The following TANC2 variants were observed in gnomAD, a reference collection of about 807,000 sequenced individuals.
TANC2 encodes protein TANC2.
Under a neutral mutation model 210.5 loss-of-function variants are expected in TANC2, and 26 were observed. The ratio of observed to expected loss-of-function variants is 0.12; its 90% confidence interval spans 0.09 to 0.17. The LOEUF is 0.17. Ranked by LOEUF, TANC2 falls within the 10% of genes least tolerant of loss-of-function variation. The probability of loss-of-function intolerance (pLI) is 1.00; values close to 1 mark genes in which losing one functional copy is unlikely to be tolerated. For synonymous variants in TANC2, 931 were observed against 967.1 expected, an observed-to-expected ratio of 0.96 and a Z score of 0.69; for missense variants, 2,129 against 2,608.9, an observed-to-expected ratio of 0.82 and a Z score of 4.01.
Position 63,412,716 on chromosome 17 carries a change from T to C in TANC2, c.3928+7T>C. 6.5e-7 allele frequency: 1 copy of C among 1,536,220 alleles called. No homozygotes were observed. The highest frequency in any genetic ancestry group is 8.7e-7 in the Non-Finnish European group (1 of 1,146,922). On this transcript the variant is annotated splice_region_variant and intron_variant, in intron 24 of 27. Coordinates refer to ENST00000689528, the Ensembl canonical transcript of TANC2. The surrounding 1 kb of genome is among the most constrained non-coding windows in gnomAD (Gnocchi z 4.2). ...TTACCGAGTCGCCCACGAGGTATAT[T>C]TCACCGCTGTCAGCATCAGGCGTGG...
rs116610711 is a variant in TANC2 at position 63,206,237 on chromosome 17, T to C, written c.769+5280T>C. Among the ~76,000 whole-genome samples the C allele has an allele frequency of 2.5e-3, 378 of 152,306 alleles. 2 individuals carry two copies. Among genetic ancestry groups the C allele is most frequent in the African/African-American group, 8.6e-3 (358 of 41,562 alleles). ...CAAGGACGTGGAGAAATTGGAACTCTCATACATTGCTGCTGGGAATGTAAA... is the reference window on the plus strand; with the variant it reads ...CAAGGACGTGGAGAAATTGGAACTCCCATACATTGCTGCTGGGAATGTAAA... On this transcript the variant is annotated intron_variant, in intron 7 of 27. Transcript: ENST00000689528.
Position 63,137,730 on chromosome 17 carries a change from C to T in TANC2, c.323-13540C>T, listed in dbSNP as rs138450379. Among the ~76,000 whole-genome samples the T allele has an allele frequency of 3.7e-3, 570 of 152,082 alleles. 6 individuals carry two copies. Among genetic ancestry groups the T allele is most frequent in the African/African-American group, 0.012 (480 of 41,480 alleles). ...TAATGATTAACCAGCTATCATATGC[C>T]AGATACTATTCTAGGCATTGTAATA... On this transcript the variant is annotated intron_variant, in intron 4 of 27. Transcript: ENST00000689528.
intron 5 of TANC2, among the ~76,000 whole-genome samples, chr17:63,157,457 C>T (rs1372252006): frequency 6.6e-6 from 1 of 152,110 alleles, no homozygotes; most frequent in Non-Finnish European, 1.5e-5. Context: ...ACTGTAAAAC[C>T]ATTTTAACTT....
At chr17:63,298,209 A>G (rs187592102) in intron 9 of TANC2, among the ~76,000 whole-genome samples, 7 of 152,328 alleles carry the variant, frequency 4.6e-5, no homozygotes, top group East Asian at 1.9e-4. Context: ...TTAAGTATCT[A>G]CCACAAAGAA....
intron 4 of TANC2, among the ~76,000 whole-genome samples, chr17:63,127,692 C>T (rs1476552974): frequency 2.6e-5 from 4 of 152,102 alleles, no homozygotes; most frequent in Non-Finnish European, 5.9e-5. Flanking sequence ...GCTTTATTTC[C>T]AAATCTAAAT....
intron 2 of TANC2, among the ~76,000 whole-genome samples, chr17:63,059,080 G>T (rs957520993): frequency 6.6e-6 from 1 of 151,878 alleles, no homozygotes; most frequent in African/African-American, 2.4e-5. Context: ...AGCCCGGGGT[G>T]TTTTTCCTTT....
chr17:63,112,753 A>C (rs1248488154), intron 4 of TANC2, among the ~76,000 whole-genome samples: 1 of 152,232 alleles, frequency 6.6e-6, no homozygotes, highest in Non-Finnish European at 1.5e-5. Context: ...GAAATAATAA[A>C]AAGAATCCTA....
intron 4 of TANC2, among the ~76,000 whole-genome samples, chr17:63,110,035 G>T (rs1598411999): frequency 6.6e-6 from 1 of 151,636 alleles, no homozygotes; most frequent in African/African-American, 2.4e-5. Context: ...ATCATCTTCT[G>T]CTCTAGTAAC....
rs1414205695 is a variant in TANC2 at position 62,984,102 on chromosome 17, T to TG, written c.-24+17353_-24+17354insG. Among the ~76,000 whole-genome samples the TG allele has an allele frequency of 2.1e-4, 32 of 152,106 alleles. 1 individual carries two copies. Among genetic ancestry groups the TG allele is most frequent in the Non-Finnish European group, 1.2e-4 (8 of 67,956 alleles). ...CAGTGATACCATCTGGTTCTGGACT[T>TG]TTCTTTGCTGGGAGACTTTTTACTG... On this transcript the variant is annotated intron_variant, in intron 1 of 27. Transcript: ENST00000689528.
chr17:63,293,762 C>T (rs369935418), intron 9 of TANC2, among the ~76,000 whole-genome samples: 1 of 151,758 alleles, frequency 6.6e-6, no homozygotes, highest in Non-Finnish European at 1.5e-5. Context: ...TTTTTTTTCC[C>T]GTGGGTGCCC....
At chr17:63,021,791 C>T (rs953375801) in intron 2 of TANC2, among the ~76,000 whole-genome samples, 5 of 152,084 alleles carry the variant, frequency 3.3e-5, no homozygotes, top group Admixed American at 2.0e-4. Flanking sequence ...ATGAACAGAG[C>T]GTTAAGGGTA....
In TANC2 at chr17:63,418,158, A is replaced by G. The variant is rs2048922012; in HGVS notation, c.4168-149A>G. The G allele has an allele frequency of 1.3e-6, 1 of 757,816 alleles. No homozygotes were observed. Among genetic ancestry groups the G allele is most frequent in the Non-Finnish European group, 2.1e-6 (1 of 467,326 alleles). 46.9% of individuals were successfully genotyped at this position (757,816 alleles called of 1,614,324 possible). On this transcript the variant is annotated intron_variant, in intron 26 of 27. Transcript: ENST00000689528. This position sits in a 1 kb window ranked among gnomAD's most constrained non-coding sequence, Gnocchi z 4.6. The stretch of plus-strand genomic sequence containing the variant: ...AGAAGGAACTTTCAGTCCACAGGCC[A>G]CGCGGCTTGAGCCATGTCAGGCACG...
chr17:63,365,404 C>T (rs1401517129), intron 14 of TANC2, among the ~76,000 whole-genome samples: 1 of 152,202 alleles, frequency 6.6e-6, no homozygotes, highest in African/African-American at 2.4e-5. Context: ...ATAATGACCA[C>T]ATCCTGGGAT....
rs370812156 is a variant in TANC2, at chr17:63,420,351, A to G, written c.4621A>G (p.Ser1541Gly). 1.9e-6 allele frequency: 3 copies of G among 1,613,482 alleles called. No individual in the cohort carries two copies. The highest frequency in any genetic ancestry group is 2.7e-5 in the African/African-American group (2 of 74,766). The change falls in exon 28 of 28, where the codon AGC (serine) becomes GGC (glycine). Residue 1541 changes from serine (S) to glycine (G), a missense_variant. Around this residue, in one of 5 missense-constraint regions of TANC2, gnomAD observed 584 missense variants for 627.3 expected, o/e 0.93. Transcript: ENST00000689528. This position sits in a 1 kb window ranked among gnomAD's most constrained non-coding sequence, Gnocchi z 4.2. ...GCATCGGGACTCAGCCTACATCTCC[A>G]GCTCACCTCTTGGCTCTCATCAGGT...
intron 5 of TANC2, among the ~76,000 whole-genome samples, chr17:63,161,496 C>G (rs532155780): frequency 6.6e-6 from 1 of 152,260 alleles, no homozygotes; most frequent in East Asian, 1.9e-4. Context: ...AACTTACCTG[C>G]AACACTTAAC....
rs555878780 is a variant in TANC2 at position 63,393,408 on chromosome 17, C to T, written c.3052-2335C>T. ...TATATCAGTGATGATGCGACATTGT[C>T]CAAGAAAGTACATACCAAGGCCACC... On this transcript the variant is annotated intron_variant, in intron 17 of 27. Transcript: ENST00000689528. The T allele has an allele frequency of 2.0e-5, 3 of 152,276 alleles. No individual in the cohort carries two copies. The South Asian group carries it at 6.2e-4, about 32-fold the overall frequency. 9.4% of individuals were successfully genotyped at this position (152,276 alleles called of 1,614,324 possible).
chr17:63,070,934 A>G (rs1206007939), intron 2 of TANC2, among the ~76,000 whole-genome samples: 4 of 152,178 alleles, frequency 2.6e-5, no homozygotes, highest in South Asian at 2.1e-4. Context: ...TGTAATTTCT[A>G]TGACAGCACA....
chr17:63,267,845 T>C, exon 9 of TANC2: 2 of 1,612,492 alleles, frequency 1.2e-6, no homozygotes, highest in Non-Finnish European at 8.5e-7. Flanking sequence ...AGAGCATGGG[T>C]GGTGCTCGCA....
At chr17:63,336,724 T>C (rs2046042399) in intron 11 of TANC2, among the ~76,000 whole-genome samples, 1 of 152,232 alleles carries the variant, frequency 6.6e-6, no homozygotes, top group African/African-American at 2.4e-5. Flanking sequence ...TTTAGGAATT[T>C]AACAGAAGGA....
Sources: gnomAD v4.1 joint callset for allele counts (sites outside exome capture counted in the v4.1 genomes callset) on GRCh38, gnomAD v4.1.1 for gene constraint, gnomAD v4.1.1 regional missense constraint, Gnocchi (gnomAD v3.1) non-coding constraint, MANE v1.5 for transcripts, NCBI Gene and HGNC (gene_info 2026-07-23, HGNC 2026-07-21) for gene names.